TENM2: variants seen among roughly 807,000 people sequenced by gnomAD.
The protein encoded by TENM2 is teneurin transmembrane protein 2.
Under a neutral mutation model 245.2 loss-of-function variants are expected in TENM2, and 52 were observed. The ratio of observed to expected loss-of-function variants is 0.21; its 90% CI spans 0.17 to 0.27. TENM2 has a LOEUF of 0.27. Among genes scored for constraint, TENM2 ranks in the 10% least tolerant of loss-of-function variants. The pLI is 1.00. For synonymous variants in TENM2, 1,363 were observed against 1,438.9 expected, an observed-to-expected ratio of 0.95 and a Z score of 1.19; for missense variants, 3,046 against 3,666.8, an observed-to-expected ratio of 0.83 and a Z score of 4.37.
chr5:167,573,012 C>T (rs528848191), intron 2 of TENM2, among the ~76,000 whole-genome samples: 1 of 152,170 alleles, frequency 6.6e-6, no homozygotes, highest in African/African-American at 2.4e-5. Context: ...AAGAGAAACA[C>T]CGTTTAAACT....
chr5:167,657,896 C>T (rs1011043547), intron 2 of TENM2, among the ~76,000 whole-genome samples: 3 of 152,188 alleles, frequency 2.0e-5, no homozygotes, highest in African/African-American at 7.2e-5. Context: ...TCTATATTAG[C>T]TGCAATGCAC....
At chr5:168,240,937 G>A (rs1031247021) in intron 25 of TENM2, 1 of 152,206 alleles carries the variant, frequency 6.6e-6, no homozygotes, top group African/African-American at 2.4e-5. Context: ...GCCTTCCGCA[G>A]TTGTCCCAGA....
chr5:167,726,259 A>AAAACATCCAGTTTCGTCCCACC (rs1759998270), intron 2 of TENM2, among the ~76,000 whole-genome samples: 1 of 151,640 alleles, frequency 6.6e-6, no homozygotes, highest in Non-Finnish European at 1.5e-5. Flanking sequence ...TCTATGGTCA[A>AAAACATCCAGTTTCGTCCCACC]AAACATCCAG....
At chr5:167,319,283 C>A (rs1022526767) in intron 1 of TENM2, among the ~76,000 whole-genome samples, 1 of 152,118 alleles carries the variant, frequency 6.6e-6, no homozygotes, top group African/African-American at 2.4e-5. Context: ...CAAGTGAATA[C>A]ATTTCTCAGT....
At chr5:168,077,832 G>A (rs994024263) in intron 7 of TENM2, among the ~76,000 whole-genome samples, 1 of 152,128 alleles carries the variant, frequency 6.6e-6, no homozygotes, top group Non-Finnish European at 1.5e-5. Flanking sequence ...TATCATTGAT[G>A]GACATTTGGC....
At chr5:167,514,287 G>A (rs1562017240) in intron 2 of TENM2, among the ~76,000 whole-genome samples, 1 of 152,142 alleles carries the variant, frequency 6.6e-6, no homozygotes, top group Non-Finnish European at 1.5e-5. Flanking sequence ...AAACACGGAA[G>A]TGAACAGCCA....
At chr5:167,367,992 T>C (rs1307674771) in intron 1 of TENM2, among the ~76,000 whole-genome samples, 1 of 152,132 alleles carries the variant, frequency 6.6e-6, no homozygotes, top group Non-Finnish European at 1.5e-5. Flanking sequence ...GACTTTAAAA[T>C]GTACGCTCTA....
chr5:167,142,899 C>T, the TENM2 span, among the ~76,000 whole-genome samples: 1 of 152,148 alleles, frequency 6.6e-6, no homozygotes, highest in Non-Finnish European at 1.5e-5. Context: ...ACTGCTAGTC[C>T]TATAGAAGAG....
intron 7 of TENM2, among the ~76,000 whole-genome samples, chr5:168,089,220 C>T (rs1792715974): frequency 6.6e-6 from 1 of 152,196 alleles, no homozygotes; most frequent in Non-Finnish European, 1.5e-5. Context: ...AAATGTTCCT[C>T]CAAAGTTGTC....
chr5:168,036,685 A>ATATATATATATATGTATGTG (rs1787716383), intron 5 of TENM2, among the ~76,000 whole-genome samples: 1 of 118,474 alleles, frequency 8.4e-6, no homozygotes, highest in African/African-American at 4.0e-5. Flanking sequence ...GTGTATATAT[A>ATATATATATATATGTATGTG]TATATATATA....
chr5:167,275,076 T>A, the TENM2 span, among the ~76,000 whole-genome samples: 1 of 152,012 alleles, frequency 6.6e-6, no homozygotes, highest in Non-Finnish European at 1.5e-5. Context: ...TGTTTCTTTT[T>A]CCCTGTGGGT....
chr5:167,480,205 C>T (rs1269140274), intron 2 of TENM2, among the ~76,000 whole-genome samples: 2 of 152,160 alleles, frequency 1.3e-5, no homozygotes, highest in Non-Finnish European at 2.9e-5. Context: ...TAAGGCTTTC[C>T]CTGGCACCCC....
intron 27 of TENM2, among the ~76,000 whole-genome samples, chr5:168,259,726 C>T (rs1194542259): frequency 2.0e-5 from 3 of 152,208 alleles, no homozygotes; most frequent in Non-Finnish European, 2.9e-5. Flanking sequence ...AAAAGGCCTG[C>T]ACAACAGTAA....
At chr5:167,832,864 C>A (rs779712415) in intron 2 of TENM2, among the ~76,000 whole-genome samples, 6 of 142,110 alleles carry the variant, frequency 4.2e-5, no homozygotes, top group Non-Finnish European at 9.2e-5. Context: ...TCTTAACTTA[C>A]AATTGTAGAT....
At chr5:167,256,998 A>G in the TENM2 span, among the ~76,000 whole-genome samples, 1 of 152,096 alleles carries the variant, frequency 6.6e-6, no homozygotes, top group African/African-American at 2.4e-5. Context: ...GTATACTTGG[A>G]AAAAAGTTTC....
At chr5:167,130,888 CTTTTTTTTTT>C in the TENM2 span, among the ~76,000 whole-genome samples, 73 of 73,362 alleles carry the variant, frequency 1.0e-3, no homozygotes, top group Non-Finnish European at 1.7e-3. Context: ...GTGTTAAATG[CTTTTTTTTTT>C]TTTTTTTTTT....
chr5:167,346,243 A>G (rs1382898729), intron 1 of TENM2, among the ~76,000 whole-genome samples: 1 of 152,212 alleles, frequency 6.6e-6, no homozygotes, highest in African/African-American at 2.4e-5. Context: ...AGATGCATTT[A>G]TTACATTATG....
At chr5:167,542,080 G>T (rs1204984756) in intron 2 of TENM2, among the ~76,000 whole-genome samples, 1 of 152,110 alleles carries the variant, frequency 6.6e-6, no homozygotes, top group African/African-American at 2.4e-5. Context: ...TCAGAGAAGG[G>T]CCAGACATGG....
chr5:167,819,477 T>C (rs1374701869), intron 2 of TENM2, among the ~76,000 whole-genome samples: 1 of 152,206 alleles, frequency 6.6e-6, no homozygotes, highest in African/African-American at 2.4e-5. Context: ...TTAGATGAAC[T>C]GACTTAACTG....
Sources: allele counts gnomAD v4.1 joint callset (sites outside exome capture counted in the v4.1 genomes callset), GRCh38; gene constraint gnomAD v4.1.1; transcripts MANE v1.5; gene names NCBI Gene and HGNC (gene_info 2026-07-23, HGNC 2026-07-21).